The following ERGIC1 variants were observed in gnomAD, a reference collection of about 807,000 sequenced individuals.
The protein encoded by ERGIC1 is endoplasmic reticulum-golgi intermediate compartment 1.
A neutral mutation model predicts 38.3 loss-of-function variants in ERGIC1; 19 were observed. The observed-to-expected ratio is 0.50, with a 90% CI of 0.35 to 0.73. The LOEUF (loss-of-function observed/expected upper bound fraction) is 0.73. ERGIC1 is among the 30% of genes least tolerant of loss of function. The pLI, the probability that ERGIC1 is intolerant of heterozygous loss-of-function variation, is 0.01. For missense variants in ERGIC1, 294 were observed against 389.2 expected (o/e 0.76, Z 2.06); for synonymous variants, 124 against 157.6 (o/e 0.79, Z 1.60).
At chr5:172,902,584 G>A (rs936788493) in intron 3 of ERGIC1, among the ~76,000 whole-genome samples, 4 of 152,220 alleles carry the variant, frequency 2.6e-5, no homozygotes, top group African/African-American at 9.6e-5. Flanking sequence ...GGGGCCGAGG[G>A]TGCTGGGACT....
chr5:172,887,493 A>G (rs1345870036), intron 1 of ERGIC1, among the ~76,000 whole-genome samples: 2 of 152,214 alleles, frequency 1.3e-5, no homozygotes, highest in Admixed American at 6.5e-5. Context: ...CATTTTTACA[A>G]AGGAGGAAAC....
intron 5 of ERGIC1, chr5:172,917,814 A>G (rs1044651994): frequency 6.6e-6 from 1 of 152,236 alleles, no homozygotes; most frequent in Non-Finnish European, 1.5e-5. Flanking sequence ...CGGTATTTAT[A>G]GCACGTTACA....
intron 1 of ERGIC1, among the ~76,000 whole-genome samples, chr5:172,869,556 A>G: frequency 6.6e-6 from 1 of 152,234 alleles, no homozygotes; most frequent in East Asian, 1.9e-4. Flanking sequence ...TAGCAGCCTC[A>G]GATGGCTTTG....
Position 172,926,660 on chromosome 5 carries a change from C to A in ERGIC1, c.541+91C>A. On this transcript the variant is annotated intron_variant, in intron 7 of 9. Transcript: ENST00000393784. This position sits in a 1 kb window ranked among gnomAD's most constrained non-coding sequence, Gnocchi z 5.2. Reference sequence around the variant, plus strand: ...AGGGCAGAGAGGTGGGGGTGCCTGTCCAGCACCCACTCCAAGGCAGGGAGG... The same window carrying A: ...AGGGCAGAGAGGTGGGGGTGCCTGTACAGCACCCACTCCAAGGCAGGGAGG... 7.9e-6 allele frequency: 11 copies of A among 1,399,032 alleles called. No homozygotes were observed. Among genetic ancestry groups the A allele is most frequent in the Non-Finnish European group, 1.1e-5 (11 of 998,708 alleles). 86.7% of individuals were successfully genotyped at this position (1,399,032 alleles called of 1,614,324 possible). A position where few individuals can be genotyped will look rare whatever the true frequency, so the allele number is the denominator to read the frequency against.
intron 9 of ERGIC1, among the ~76,000 whole-genome samples, chr5:172,941,701 CAA>C (rs1309132116): frequency 6.6e-6 from 1 of 152,210 alleles, no homozygotes; most frequent in East Asian, 1.9e-4. Flanking sequence ...GAGCAGGAAA[CAA>C]AGTTTTATTG....
chr5:172,889,967 C>T (rs1194690341), intron 2 of ERGIC1, among the ~76,000 whole-genome samples: 1 of 152,130 alleles, frequency 6.6e-6, no homozygotes, highest in East Asian at 1.9e-4. Context: ...AGCTATTCTC[C>T]CATCCAGGTG....
intron 2 of ERGIC1, among the ~76,000 whole-genome samples, chr5:172,893,925 G>A (rs1393566106): frequency 0.079 from 5,005 of 63,286 alleles, 673 homozygotes; most frequent in African/African-American, 0.21. Flanking sequence ...GTGTGTGTGT[G>A]TGTGTGTGTG....
chr5:172,869,196 G>A (rs772388105), intron 1 of ERGIC1, among the ~76,000 whole-genome samples: 7 of 152,132 alleles, frequency 4.6e-5, no homozygotes, highest in Non-Finnish European at 8.8e-5. Flanking sequence ...CCCCCCTGGG[G>A]AGGAGGAAGG....
rs1581556475 is a variant in ERGIC1 at position 172,900,995 on chromosome 5, T to C, written c.155+3921T>C. On this transcript the variant is annotated intron_variant, in intron 3 of 9. Transcript: ENST00000393784. ...GCATCACATCTTTGGGGTCTTCCAGTTGTCAGAAGCTTGTGGCCCCCAGGA... is the reference window on the plus strand; with the variant it reads ...GCATCACATCTTTGGGGTCTTCCAGCTGTCAGAAGCTTGTGGCCCCCAGGA... Among the ~76,000 whole-genome samples, 6 of 152,328 alleles carry C rather than the reference T, an allele frequency of 3.9e-5. No individual in the cohort carries two copies. In the South Asian group the frequency reaches 1.2e-3, roughly 32 times the overall value.
chr5:172,917,821 T>C (rs1306052486), intron 5 of ERGIC1: 1 of 152,244 alleles, frequency 6.6e-6, no homozygotes, highest in African/African-American at 2.4e-5. Context: ...TATAGCACGT[T>C]ACAGTTGTTG....
At position 172,891,300 on chromosome 5, in the gene ERGIC1, A is replaced by G. The variant is rs1224119028; in HGVS notation, c.82+2540A>G. ...TTATGAACCTGATCCAAAAAAATCA[A>G]ATGAGGCTTCCTGCCCCATTCCTAC... On this transcript the variant is annotated intron_variant, in intron 2 of 9. Transcript: ENST00000393784. Among the ~76,000 whole-genome samples, 7 of 152,194 alleles carry G rather than the reference A, an allele frequency of 4.6e-5. No individual in the cohort carries two copies. The East Asian group carries it at 1.4e-3, about 29-fold the overall frequency.
intron 1 of ERGIC1, among the ~76,000 whole-genome samples, chr5:172,863,635 CT>C (rs1242211305): frequency 6.6e-6 from 1 of 152,132 alleles, no homozygotes; most frequent in African/African-American, 2.4e-5. Flanking sequence ...GCAGCTGCCC[CT>C]GATCTCTCAA....
At chr5:172,920,358 C>A (rs1257024152) in intron 5 of ERGIC1, 1 of 717,892 alleles carries the variant, frequency 1.4e-6, no homozygotes, top group Admixed American at 2.0e-5. Context: ...CTTATCCGAC[C>A]CCCAGGAAGT....
chr5:172,926,710 AGC>A lies in ERGIC1; in HGVS notation c.541+142_541+143del. 1.1e-6 allele frequency: 1 copy of A among 880,302 alleles called. No homozygotes were observed. The highest frequency in any genetic ancestry group is 1.8e-6 in the Non-Finnish European group (1 of 559,172). 54.5% of individuals were successfully genotyped at this position (880,302 alleles called of 1,614,324 possible). A position where few individuals can be genotyped will look rare whatever the true frequency, so the allele number is the denominator to read the frequency against. ...GCTGCTGCTCACACTCCATTCCCAC[AGC>A]TAACCAGTGGGAAGGTGGACCCAGC... On this transcript the variant is annotated intron_variant, in intron 7 of 9. Transcript: ENST00000393784. The surrounding 1 kb of genome is among the most constrained non-coding windows in gnomAD (Gnocchi z 5.2).
In ERGIC1 at chr5:172,939,796, G is replaced by A. The variant is rs913985775; in HGVS notation, c.765+4486G>A. ...CGGCCGGCTGTCCCTGGCAGATGGCGTCATTGTGGAGCTTCAAAGGCCCTT... is the reference window on the plus strand; with the variant it reads ...CGGCCGGCTGTCCCTGGCAGATGGCATCATTGTGGAGCTTCAAAGGCCCTT... On this transcript the variant is annotated intron_variant, in intron 9 of 9. Coordinates refer to ENST00000393784, the MANE Select transcript of ERGIC1 (RefSeq NM_001031711.3). Among the ~76,000 whole-genome samples, 9 of 152,222 alleles carry A rather than the reference G, an allele frequency of 5.9e-5. 1 individual carries two copies. The highest frequency in any genetic ancestry group is 1.9e-4 in the African/African-American group (8 of 41,466).
rs137963767 is a variant in ERGIC1 at position 172,923,090 on chromosome 5, G to T, written c.376-915G>T. Among the ~76,000 whole-genome samples the T allele has an allele frequency of 5.8e-3, 781 of 133,700 alleles. 6 individuals carry two copies. Among genetic ancestry groups the T allele is most frequent in the African/African-American group, 0.02 (739 of 37,096 alleles). The allele number at this position is 133,700 out of a possible 152,430, so 87.7% of individuals were successfully genotyped here. The stretch of plus-strand genomic sequence containing the variant: ...GAGCATCTAGGAGGAGGAGGAGGAG[G>T]AGGGTTCCAGGATCATACCAAGGGT... On this transcript the variant is annotated intron_variant, in intron 5 of 9. Transcript: ENST00000393784.
intron 9 of ERGIC1, among the ~76,000 whole-genome samples, chr5:172,945,398 C>T (rs112580361): frequency 3.3e-4 from 50 of 152,316 alleles, no homozygotes; most frequent in African/African-American, 1.2e-3. Flanking sequence ...GACACTCTTG[C>T]GGTCCTGTTC....
chr5:172,874,587 A>T (rs1380992608), intron 1 of ERGIC1, among the ~76,000 whole-genome samples: 1 of 152,150 alleles, frequency 6.6e-6, no homozygotes, highest in Non-Finnish European at 1.5e-5. Context: ...CAGTGAGCAG[A>T]TACACATAAC....
At chr5:172,947,910 GT>G (rs1764158529) in intron 9 of ERGIC1, among the ~76,000 whole-genome samples, 5 of 150,680 alleles carry the variant, frequency 3.3e-5, no homozygotes, top group East Asian at 1.9e-4. Flanking sequence ...GTGTGTGTGT[GT>G]GGTTATTTTT....
Sources: gnomAD v4.1 joint callset for allele counts (sites outside exome capture counted in the v4.1 genomes callset) on GRCh38, gnomAD v4.1.1 for gene constraint, Gnocchi (gnomAD v3.1) non-coding constraint, MANE v1.5 for transcripts, NCBI Gene and HGNC (gene_info 2026-07-23, HGNC 2026-07-21) for gene names.